Variants in ADGRB3 observed in about 807,000 individuals in gnomAD.
The protein encoded by ADGRB3 is brain-specific angiogenesis inhibitor 3.
ADGRB3 carries 37 observed loss-of-function variants against 193.4 expected under a neutral mutation model. The observed-to-expected ratio is 0.19, with a 90% CI of 0.15 to 0.25. The LOEUF (loss-of-function observed/expected upper bound fraction) is 0.25. Among genes scored for constraint, ADGRB3 ranks in the 10% least tolerant of loss-of-function variants. The probability of loss-of-function intolerance (pLI) is 1.00; values close to 1 mark genes in which losing one functional copy is unlikely to be tolerated. For synonymous variants in ADGRB3, 690 were observed against 644.2 expected (o/e 1.07, Z -1.08); for missense variants, 1,637 against 1,852.9 (o/e 0.88, Z 2.14).
intron 3 of ADGRB3, among the ~76,000 whole-genome samples, chr6:68,827,247 T>A (rs1582234138): frequency 6.6e-6 from 1 of 151,746 alleles, no homozygotes; most frequent in Non-Finnish European, 1.5e-5. Context: ...AATTATGGAG[T>A]GATCAAGTGC....
intron 20 of ADGRB3, among the ~76,000 whole-genome samples, chr6:69,281,789 T>C (rs915988062): frequency 6.6e-6 from 1 of 152,194 alleles, no homozygotes; most frequent in Non-Finnish European, 1.5e-5. Context: ...TGGGTGCCAA[T>C]TGAAATTACA....
intron 17 of ADGRB3, among the ~76,000 whole-genome samples, chr6:69,171,049 A>G (rs1425775750): frequency 6.6e-6 from 1 of 152,224 alleles, no homozygotes; most frequent in Admixed American, 6.5e-5. Context: ...TTCATTCTAA[A>G]AAGATATTTT....
chr6:69,256,512 A>C (rs56056106), intron 20 of ADGRB3, among the ~76,000 whole-genome samples: 1 of 151,532 alleles, frequency 6.6e-6, no homozygotes, highest in Non-Finnish European at 1.5e-5. Flanking sequence ...TTTGTCTGTT[A>C]TTGGTGTATA....
chr6:68,679,652 C>T (rs1256306051), intron 3 of ADGRB3, among the ~76,000 whole-genome samples: 1 of 152,074 alleles, frequency 6.6e-6, no homozygotes, highest in Non-Finnish European at 1.5e-5. Flanking sequence ...CATTTGAAAT[C>T]TCAGTCTATA....
intron 17 of ADGRB3, among the ~76,000 whole-genome samples, chr6:69,132,983 A>C (rs986035129): frequency 6.6e-6 from 1 of 152,194 alleles, no homozygotes; most frequent in Non-Finnish European, 1.5e-5. Context: ...CCATTGGTCT[A>C]TATATCTGTT....
chr6:68,956,098 A>G lies in ADGRB3; in HGVS notation c.1270A>G (p.Ser424Gly), dbSNP rs1306437601. 6.2e-6 allele frequency: 10 copies of G among 1,613,898 alleles called. No individual in the cohort carries two copies. The African/African-American group carries it at 1.1e-4, about 17-fold the overall frequency. ...GTGCTCGAATGGGACTCAGCAGAGA[A>G]GCCGGCAGTGCACTGCAGCTGCCCA... ...VTCSNGTQQRSRQCTAAAHGG... is the reference protein window; with the variant it reads ...VTCSNGTQQRGRQCTAAAHGG... Residue 424 changes from serine to glycine, a missense_variant, in exon 7 of 32, where the codon AGC becomes GGC. Physicochemically the swap from Ser to Gly is moderately conservative, Grantham distance 56. Transcript: ENST00000370598.
At chr6:69,333,228 T>G (rs1768765166) in intron 24 of ADGRB3, among the ~76,000 whole-genome samples, 1 of 151,948 alleles carries the variant, frequency 6.6e-6, no homozygotes, top group Non-Finnish European at 1.5e-5. Flanking sequence ...AAATTCGGAG[T>G]GTACTTGTGC....
At chr6:68,938,208 T>G (rs1169338738) in intron 5 of ADGRB3, among the ~76,000 whole-genome samples, 2 of 151,526 alleles carry the variant, frequency 1.3e-5, no homozygotes, top group African/African-American at 4.9e-5. Context: ...GAAAAAAGCA[T>G]GAAGTAAAAA....
intron 17 of ADGRB3, among the ~76,000 whole-genome samples, chr6:69,221,229 C>T (rs572520323): frequency 7.2e-5 from 11 of 152,136 alleles, no homozygotes; most frequent in African/African-American, 1.7e-4. Flanking sequence ...TCTACCCATA[C>T]GTTCATAAAA....
chr6:69,381,096 A>C (rs1275193203), intron 30 of ADGRB3, among the ~76,000 whole-genome samples: 1 of 151,820 alleles, frequency 6.6e-6, no homozygotes, highest in Non-Finnish European at 1.5e-5. Flanking sequence ...GTACTGCATG[A>C]AAGTGTTTGT....
intron 6 of ADGRB3, among the ~76,000 whole-genome samples, chr6:68,952,043 T>G (rs2150254790): frequency 6.6e-6 from 1 of 152,332 alleles, no homozygotes; most frequent in African/African-American, 2.4e-5. Context: ...TTTTTATTTT[T>G]ACATTTCTCT....
chr6:68,883,157 T>A (rs567556127), intron 3 of ADGRB3, among the ~76,000 whole-genome samples: 1 of 152,262 alleles, frequency 6.6e-6, no homozygotes, highest in South Asian at 2.1e-4. Flanking sequence ...CCTGTCTATC[T>A]CAAGGTTTGT....
At chr6:68,848,884 T>C (rs1178573054) in intron 3 of ADGRB3, among the ~76,000 whole-genome samples, 1 of 152,080 alleles carries the variant, frequency 6.6e-6, no homozygotes, top group Admixed American at 6.6e-5. Context: ...TTAGCATTCG[T>C]TGAATTTTCC....
intron 17 of ADGRB3, among the ~76,000 whole-genome samples, chr6:69,148,966 T>C (rs1184840081): frequency 6.6e-6 from 1 of 152,126 alleles, no homozygotes; most frequent in African/African-American, 2.4e-5. Flanking sequence ...ATCCTTTCTT[T>C]TTCCTTGACT....
At chr6:69,105,571 C>T (rs1471434713) in intron 17 of ADGRB3, among the ~76,000 whole-genome samples, 1 of 152,192 alleles carries the variant, frequency 6.6e-6, no homozygotes, top group Non-Finnish European at 1.5e-5. Context: ...CTTTCTCTTA[C>T]CTCTCCCCAA....
intron 3 of ADGRB3, among the ~76,000 whole-genome samples, chr6:68,752,275 C>CTT (rs66760335): frequency 1.5e-3 from 190 of 129,270 alleles, no homozygotes; most frequent in Middle Eastern, 8.4e-3. Context: ...GCAGAATATT[C>CTT]TTTTTTTTTT....
chr6:68,760,369 A>G (rs1339515830), intron 3 of ADGRB3, among the ~76,000 whole-genome samples: 1 of 152,184 alleles, frequency 6.6e-6, no homozygotes, highest in Non-Finnish European at 1.5e-5. Context: ...AGCTTTTCCT[A>G]TCAGGGAAGC....
At position 69,031,519 on chromosome 6, in the gene ADGRB3, CTCTT is replaced by C. The variant is rs201301230; in HGVS notation, c.2107+13050_2107+13053del. Among the ~76,000 whole-genome samples the C allele has an allele frequency of 8.5e-4, 18 of 21,268 alleles. 1 individual carries two copies. The highest frequency in any genetic ancestry group is 2.0e-3 in the African/African-American group (17 of 8,430). 14.0% of individuals were successfully genotyped at this position (21,268 alleles called of 152,430 possible). On this transcript the variant is annotated intron_variant, in intron 13 of 31. Coordinates refer to ENST00000370598, the MANE Select transcript of ADGRB3 (RefSeq NM_001704.3). ...CACAAACATTTTGAATTTGAGTTGT[CTCTT>C]TCTTTCTTTCTTTCTTTCTTTCTTT...
intron 15 of ADGRB3, among the ~76,000 whole-genome samples, chr6:69,062,593 A>T (rs1354333872): frequency 6.6e-6 from 1 of 151,876 alleles, no homozygotes; most frequent in Non-Finnish European, 1.5e-5. Flanking sequence ...CCTCCTTGAT[A>T]TAAATGAATT....
Sources: allele counts gnomAD v4.1 joint callset (sites outside exome capture counted in the v4.1 genomes callset), GRCh38; gene constraint gnomAD v4.1.1; transcripts MANE v1.5; gene names NCBI Gene and HGNC (gene_info 2026-07-23, HGNC 2026-07-21).